The following FGD4 variants were observed in gnomAD, a reference collection of about 807,000 sequenced individuals.
FGD4 encodes the protein FYVE, RhoGEF and PH domain containing 4, also known as FYVE, RhoGEF and PH domain-containing protein 4.
A neutral mutation model predicts 102.0 loss-of-function variants in FGD4; 42 were observed. The ratio of observed to expected loss-of-function variants is 0.41; its 90% confidence interval spans 0.32 to 0.53. FGD4 has a LOEUF of 0.53. FGD4 is among the 20% of genes least tolerant of loss of function. The pLI is 0.21. For synonymous variants in FGD4, 380 were observed against 375.7 expected (o/e 1.01, Z -0.13); for missense variants, 902 against 1,078.2 (o/e 0.84, Z 2.29).
At chr12:32,449,194 G>GT (rs1302408031) in intron 1 of FGD4, among the ~76,000 whole-genome samples, 3 of 151,974 alleles carry the variant, frequency 2.0e-5, no homozygotes, top group South Asian at 2.1e-4. Flanking sequence ...TAGTGCCTTT[G>GT]TTTTTTTGTC....
rs575943561 is a variant in FGD4 at position 32,604,936 on chromosome 12, C to CTTTTTTTTTTTTTTT, written c.1404+2624_1404+2638dup. On this transcript the variant is annotated intron_variant, in intron 7 of 16. Coordinates refer to ENST00000534526, the MANE Select transcript of FGD4 (RefSeq NM_001370298.3). ...TCAATTTTATCTAGCTTTATAGCTGCTTTTTTTTTTTTTTTTTTTGGAGTT... is the reference window on the plus strand; with the variant it reads ...TCAATTTTATCTAGCTTTATAGCTGCTTTTTTTTTTTTTTTTTTTTTTTTTTTTTTTTTTGGAGTT... 6.8e-4 allele frequency among the ~76,000 whole-genome samples: 64 copies of CTTTTTTTTTTTTTTT among 94,520 alleles called. 4 individuals are homozygous for CTTTTTTTTTTTTTTT. Among genetic ancestry groups the CTTTTTTTTTTTTTTT allele is most frequent in the African/African-American group, 1.0e-3 (21 of 20,026 alleles). The allele number at this position is 94,520 out of a possible 152,430, so 62.0% of individuals were successfully genotyped here.
intron 2 of FGD4, among the ~76,000 whole-genome samples, chr12:32,574,511 C>T (rs897450119): frequency 1.3e-5 from 2 of 151,976 alleles, no homozygotes; most frequent in African/African-American, 4.8e-5. Context: ...CTTATATAAG[C>T]CCCATTGTTC....
chr12:32,480,298 A>G (rs1943704118), intron 1 of FGD4, among the ~76,000 whole-genome samples: 1 of 151,606 alleles, frequency 6.6e-6, no homozygotes, highest in African/African-American at 2.4e-5. Flanking sequence ...AGTAGCTGGG[A>G]TTACAGGTAC....
intron 1 of FGD4, among the ~76,000 whole-genome samples, chr12:32,531,533 G>A (rs1941822153): frequency 6.6e-6 from 1 of 152,146 alleles, no homozygotes; most frequent in African/African-American, 2.4e-5. Flanking sequence ...CTTTTCCAGA[G>A]TGTCTCATTT....
At chr12:32,448,672 A>C (rs911871417) in intron 1 of FGD4, among the ~76,000 whole-genome samples, 3 of 151,356 alleles carry the variant, frequency 2.0e-5, no homozygotes, top group African/African-American at 7.3e-5. Context: ...AAAAAAAAAA[A>C]GAAAAAGGGG....
intron 1 of FGD4, among the ~76,000 whole-genome samples, chr12:32,528,843 G>GC (rs1170749519): frequency 6.6e-6 from 1 of 152,126 alleles, no homozygotes; most frequent in African/African-American, 2.4e-5. Context: ...ACAGTTGCTT[G>GC]CACCTGCAAA....
At chr12:32,419,848 G>A (rs1941563231) in intron 1 of FGD4, among the ~76,000 whole-genome samples, 1 of 152,042 alleles carries the variant, frequency 6.6e-6, no homozygotes, top group South Asian at 2.1e-4. Context: ...CACTGACAGG[G>A]CAGCACTGAG....
In FGD4 at chr12:32,610,838, A is replaced by G; in HGVS notation, c.1602+4A>G. 1 of 1,613,668 alleles carries G rather than the reference A, an allele frequency of 6.2e-7. No homozygotes were observed. The highest frequency in any genetic ancestry group is 8.5e-7 in the Non-Finnish European group (1 of 1,179,786). The stretch of plus-strand genomic sequence containing the variant: ...TAATAGTGCAATAAGGAAAATGGTA[A>G]GTGGTTTTCGGAGGAGACAGGAACC... On this transcript the variant is annotated splice_donor_region_variant and intron_variant, in intron 9 of 16. Transcript: ENST00000534526.
intron 1 of FGD4, among the ~76,000 whole-genome samples, chr12:32,499,499 G>A (rs553211986): frequency 6.6e-6 from 1 of 152,184 alleles, no homozygotes; most frequent in South Asian, 2.1e-4. Flanking sequence ...AAAACTGTGA[G>A]CCAATTCTTT....
chr12:32,528,194 C>T (rs1941447817), intron 1 of FGD4, among the ~76,000 whole-genome samples: 1 of 152,270 alleles, frequency 6.6e-6, no homozygotes, highest in South Asian at 2.1e-4. Context: ...GCTTCAGCCT[C>T]CCAGAGTGCT....
chr12:32,434,863 G>GA (rs1274345501), intron 1 of FGD4, among the ~76,000 whole-genome samples: 5 of 152,064 alleles, frequency 3.3e-5, no homozygotes, highest in Non-Finnish European at 7.4e-5. Flanking sequence ...TGAATAAGAT[G>GA]AAAAAAATCA....
intron 3 of FGD4, among the ~76,000 whole-genome samples, chr12:32,580,645 T>C (rs953451783): frequency 6.6e-6 from 1 of 152,044 alleles, no homozygotes; most frequent in Non-Finnish European, 1.5e-5. Flanking sequence ...CCCAGCACTT[T>C]GGGAGGCCGA....
Position 32,565,761 on chromosome 12 carries a change from A to T in FGD4, c.319+1472A>T, listed in dbSNP as rs112494782. ...TTTTGCTGTTGTGTAGTTATATTAA[A>T]GCCACGATATAGTTATTTAAATACA... On this transcript the variant is annotated intron_variant, in intron 2 of 16. Coordinates refer to ENST00000534526, the MANE Select transcript of FGD4 (RefSeq NM_001370298.3). Among the ~76,000 whole-genome samples the T allele has an allele frequency of 7.7e-3, 1,166 of 152,342 alleles. 24 individuals carry two copies. Among genetic ancestry groups the T allele is most frequent in the African/African-American group, 0.027 (1,108 of 41,572 alleles).
intron 14 of FGD4, among the ~76,000 whole-genome samples, chr12:32,633,186 A>G (rs1166879491): frequency 6.6e-6 from 1 of 150,934 alleles, no homozygotes; most frequent in African/African-American, 2.5e-5. Flanking sequence ...ATTTCCTGCA[A>G]TAGAGAGGAC....
At chr12:32,594,537 T>C (rs1947720972) in intron 4 of FGD4, among the ~76,000 whole-genome samples, 1 of 152,162 alleles carries the variant, frequency 6.6e-6, no homozygotes, top group South Asian at 2.1e-4. Context: ...TGTGCTTAAA[T>C]CATCCTGAAA....
chr12:32,498,189 TATC>T (rs1937939267), intron 1 of FGD4, among the ~76,000 whole-genome samples: 1 of 152,218 alleles, frequency 6.6e-6, no homozygotes, highest in Admixed American at 6.5e-5. Context: ...GCGCTTTGGG[TATC>T]ACTGCCAACT....
chr12:32,463,160 C>T (rs1943154048), intron 1 of FGD4, among the ~76,000 whole-genome samples: 1 of 152,198 alleles, frequency 6.6e-6, no homozygotes, highest in South Asian at 2.1e-4. Flanking sequence ...TCTCACTTGC[C>T]TCCTCATAGG....
At chr12:32,558,947 T>G (rs1055114494) in intron 1 of FGD4, among the ~76,000 whole-genome samples, 3 of 152,250 alleles carry the variant, frequency 2.0e-5, no homozygotes, top group African/African-American at 7.2e-5. Flanking sequence ...GGAGATAGTA[T>G]TTAAATCGGA....
chr12:32,575,956 T>C (rs1946093061), intron 2 of FGD4, among the ~76,000 whole-genome samples: 1 of 152,228 alleles, frequency 6.6e-6, no homozygotes, highest in Non-Finnish European at 1.5e-5. Context: ...GAATAACTGC[T>C]GTGTTATCTG....
Sources: allele counts gnomAD v4.1 joint callset (sites outside exome capture counted in the v4.1 genomes callset), GRCh38; gene constraint gnomAD v4.1.1; transcripts MANE v1.5; gene names NCBI Gene and HGNC (gene_info 2026-07-23, HGNC 2026-07-21).